The following NRXN1 variants were observed in gnomAD, a reference collection of about 807,000 sequenced individuals.
NRXN1 encodes the protein neurexin-1.
A neutral mutation model predicts 150.9 loss-of-function variants in NRXN1; 39 were observed. That is an observed-to-expected ratio of 0.26 (90% CI 0.20 to 0.34). NRXN1 has a LOEUF of 0.34. Among genes scored for constraint, NRXN1 ranks in the 10% least tolerant of loss-of-function variants. The pLI, the probability that NRXN1 is intolerant of heterozygous loss-of-function variation, is 1.00. For synonymous variants in NRXN1, 924 were observed against 757.0 expected (o/e 1.22, Z -3.62); for missense variants, 1,815 against 1,949.9 (o/e 0.93, Z 1.30).
chr2:50,487,403 C>G (rs1016583049), intron 15 of NRXN1, among the ~76,000 whole-genome samples: 12 of 152,178 alleles, frequency 7.9e-5, no homozygotes, highest in Admixed American at 2.0e-4. Flanking sequence ...CAGAAAACCA[C>G]ATTCATGTGA....
intron 15 of NRXN1, among the ~76,000 whole-genome samples, chr2:50,482,509 T>G (rs2104795795): frequency 6.6e-6 from 1 of 152,312 alleles, no homozygotes; most frequent in Admixed American, 6.5e-5. Context: ...TTCATTTTTT[T>G]TACTTACTGT....
chr2:50,456,463 GAGA>G (rs2087569111), intron 17 of NRXN1, among the ~76,000 whole-genome samples: 2 of 152,176 alleles, frequency 1.3e-5, no homozygotes, highest in South Asian at 4.2e-4. Context: ...CAGAACTGTA[GAGA>G]AGGCCATAAT....
At chr2:50,624,876 G>A (rs1233686821) in intron 5 of NRXN1, 1 of 151,992 alleles carries the variant, frequency 6.6e-6, no homozygotes, top group African/African-American at 2.4e-5. Context: ...TGGATATTTG[G>A]AAGGAACAGT....
At chr2:50,242,192 G>T (rs1204286164) in intron 17 of NRXN1, among the ~76,000 whole-genome samples, 1 of 151,702 alleles carries the variant, frequency 6.6e-6, no homozygotes, top group Non-Finnish European at 1.5e-5. Context: ...TAAAGCATTT[G>T]TAAGTAAGGG....
intron 2 of NRXN1, among the ~76,000 whole-genome samples, chr2:50,938,553 A>AT (rs1166023817): frequency 6.6e-6 from 1 of 152,112 alleles, no homozygotes; most frequent in Non-Finnish European, 1.5e-5. Flanking sequence ...GGGTATCTTT[A>AT]TAGCAGTACC....
intron 18 of NRXN1, among the ~76,000 whole-genome samples, chr2:50,191,372 T>C (rs1347117788): frequency 2.0e-5 from 3 of 152,144 alleles, no homozygotes; most frequent in Admixed American, 6.6e-5. Context: ...TGTCTAGCTA[T>C]AGTACAATAT....
rs144776132 is a variant in NRXN1 at position 50,017,639 on chromosome 2, G to T, written c.4128+35632C>A. 4.0e-4 allele frequency among the ~76,000 whole-genome samples: 57 copies of T among 141,670 alleles called. 1 individual carries two copies. The highest frequency in any genetic ancestry group is 1.4e-3 in the African/African-American group (53 of 38,556). The allele number at this position is 141,670 out of a possible 152,430, so 92.9% of individuals were successfully genotyped here. On this transcript the variant is annotated intron_variant, in intron 21 of 22. Transcript: ENST00000401669. ...CAGTGGAGCTGTTTTTCTTGCAAAAGATTTTAGAAAAAAACACAGCCTTTT... is the reference window on the plus strand; with the variant it reads ...CAGTGGAGCTGTTTTTCTTGCAAAATATTTTAGAAAAAAACACAGCCTTTT...
At chr2:50,702,287 C>T (rs1182305969) in intron 5 of NRXN1, among the ~76,000 whole-genome samples, 3 of 151,834 alleles carry the variant, frequency 2.0e-5, no homozygotes, top group African/African-American at 7.3e-5. Flanking sequence ...ATCCTACAGG[C>T]CATTTTCATG....
At chr2:50,025,740 C>A (rs542146209) in intron 21 of NRXN1, among the ~76,000 whole-genome samples, 18 of 152,264 alleles carry the variant, frequency 1.2e-4, no homozygotes, top group Admixed American at 3.9e-4. Context: ...AATCATCTTG[C>A]AAACTCAGAT....
At chr2:50,041,256 T>A (rs1437755383) in intron 21 of NRXN1, among the ~76,000 whole-genome samples, 1 of 152,220 alleles carries the variant, frequency 6.6e-6, no homozygotes, top group Non-Finnish European at 1.5e-5. Flanking sequence ...TTCTTTTGCT[T>A]CTCTAGTTCT....
chr2:50,281,538 A>G (rs941902358), intron 17 of NRXN1, among the ~76,000 whole-genome samples: 1 of 152,028 alleles, frequency 6.6e-6, no homozygotes, highest in Admixed American at 6.6e-5. Context: ...AACACATTAG[A>G]AAATATCTGG....
chr2:50,585,322 T>A (rs1454916159), intron 8 of NRXN1, among the ~76,000 whole-genome samples: 1 of 152,124 alleles, frequency 6.6e-6, no homozygotes, highest in African/African-American at 2.4e-5. Context: ...TCTAAAGTAG[T>A]CAACTCCAGA....
At chr2:50,125,399 T>A (rs1574046582) in intron 18 of NRXN1, among the ~76,000 whole-genome samples, 1 of 152,122 alleles carries the variant, frequency 6.6e-6, no homozygotes. Context: ...TTCCCTCTTA[T>A]GTGCCTTTAA....
intron 2 of NRXN1, among the ~76,000 whole-genome samples, chr2:51,006,810 A>G (rs906406064): frequency 6.6e-6 from 1 of 151,804 alleles, no homozygotes; most frequent in African/African-American, 2.4e-5. Flanking sequence ...TCTTCTCCCT[A>G]TGTTCCCTTA....
chr2:50,125,671 C>A (rs989809418), intron 18 of NRXN1, among the ~76,000 whole-genome samples: 1 of 151,974 alleles, frequency 6.6e-6, no homozygotes, highest in African/African-American at 2.4e-5. Flanking sequence ...TAATGAAATT[C>A]TCATTTGTAT....
intron 5 of NRXN1, among the ~76,000 whole-genome samples, chr2:50,649,885 G>A (rs561428733): frequency 6.6e-6 from 1 of 151,946 alleles, no homozygotes; most frequent in Non-Finnish European, 1.5e-5. Flanking sequence ...CCCTTGTTCT[G>A]TCCCTAAATG....
At chr2:50,849,675 C>T (rs1256315104) in intron 5 of NRXN1, among the ~76,000 whole-genome samples, 2 of 152,136 alleles carry the variant, frequency 1.3e-5, no homozygotes, top group African/African-American at 2.4e-5. Context: ...CTTCCTTACC[C>T]GCTTGTCCAG....
At chr2:50,147,777 G>T (rs866883920) in intron 18 of NRXN1, among the ~76,000 whole-genome samples, 1 of 151,702 alleles carries the variant, frequency 6.6e-6, no homozygotes, top group African/African-American at 2.4e-5. Context: ...TTAACCACAG[G>T]CTTCTTCTTT....
chr2:50,019,776 C>T (rs1473204033), intron 21 of NRXN1, among the ~76,000 whole-genome samples: 1 of 150,214 alleles, frequency 6.7e-6, no homozygotes, highest in Non-Finnish European at 1.5e-5. Context: ...GAAACCCCGT[C>T]TCTACTAAAA....
Sources: allele counts gnomAD v4.1 joint callset (sites outside exome capture counted in the v4.1 genomes callset), GRCh38; gene constraint gnomAD v4.1.1; transcripts MANE v1.5; gene names NCBI Gene and HGNC (gene_info 2026-07-23, HGNC 2026-07-21).